The following MYH8 variants were observed in gnomAD, a reference collection of about 807,000 sequenced individuals.
MYH8 encodes the protein myosin-8.
In MYH8, 168 loss-of-function variants were observed where a neutral mutation model predicts 233.2. The observed-to-expected ratio is 0.72, with a 90% confidence interval of 0.64 to 0.82. The LOEUF (loss-of-function observed/expected upper bound fraction) is 0.82, where lower values mean the gene tolerates loss of function less well. Among genes scored for constraint, MYH8 ranks in the 40% least tolerant of loss-of-function variants. MYH8 has a pLI of 0.00. For missense variants in MYH8, 1,995 were observed against 2,327.8 expected (o/e 0.86, Z 2.94); for synonymous variants, 785 against 850.6 (o/e 0.92, Z 1.34).
At position 10,414,246 on chromosome 17, in the gene MYH8, CT is replaced by C. The variant is rs1567689162; in HGVS notation, c.953del (p.Gln318ArgfsTer15). 2 of 1,614,146 alleles carry C rather than the reference CT, an allele frequency of 1.2e-6. No homozygotes were observed. The highest frequency in any genetic ancestry group is 2.2e-5 in the South Asian group (2 of 91,076). The stretch of plus-strand genomic sequence containing the variant: ...CAATACTGGGAACTGTGATCTCCCC[CT>C]GACTGACGAAGGCATAGTCATATGG... ...TNPYDYAFVS[Q>X]GEITVPSIDD... On this transcript the variant is annotated frameshift_variant, in exon 11 of 40. Transcript: ENST00000403437. LOFTEE classifies it high-confidence loss of function.
At chr17:10,402,716 C>T (rs747368179) in intron 22 of MYH8, among the ~76,000 whole-genome samples, 1 of 152,094 alleles carries the variant, frequency 6.6e-6, no homozygotes, top group East Asian at 1.9e-4. Context: ...AGGACATGAA[C>T]ATTCTCCTAT....
intron 21 of MYH8, 149 bp downstream of exon 21, chr17:10,405,892 C>A: frequency 2.1e-6 from 2 of 942,778 alleles, no homozygotes; most frequent in South Asian, 2.9e-5. Context: ...AGTGTGAGAG[C>A]TGAAGCAAAG....
chr17:10,418,499 T>C, intron 5 of MYH8, 146 bp downstream of exon 5: 1 of 1,428,316 alleles, frequency 7.0e-7, no homozygotes, highest in Non-Finnish European at 9.7e-7. Context: ...GCATAAGATG[T>C]CACAGCTGTG....
At chr17:10,394,032 G>T (rs1355076833) in intron 35 of MYH8, among the ~76,000 whole-genome samples, 1 of 59,998 alleles carries the variant, frequency 1.7e-5, no homozygotes, top group East Asian at 4.2e-4. Context: ...GTGAGGGGTA[G>T]AAACCCCAAG....
At position 10,399,600 on chromosome 17, in the gene MYH8, G is replaced by C; in HGVS notation, c.3805C>G (p.Gln1269Glu). Reference protein sequence around the residue: ...VSELKTKEEEQQRLINDLTAQ... With the variant: ...VSELKTKEEEEQRLINDLTAQ... ...GTGAGGTCATTGATCAGCCGCTGCT[G>C]CTCCTCTTCCTTGGTCTTAAGCTCA... Residue 1269 changes from glutamine (Q) to glutamate (E), a missense_variant, in exon 28 of 40, where the codon CAG becomes GAG. Physicochemically the swap from Gln to Glu is conservative, Grantham distance 29. This residue lies in a region of MYH8 where 1,498 missense variants were observed against 1,680.9 expected (regional missense o/e 0.89). Coordinates refer to ENST00000403437, the MANE Select transcript of MYH8 (RefSeq NM_002472.3). 1.2e-6 allele frequency: 2 copies of C among 1,614,110 alleles called. No homozygotes were observed. The highest frequency in any genetic ancestry group is 1.7e-6 in the Non-Finnish European group (2 of 1,180,030).
At chr17:10,413,844 A>G in intron 12 of MYH8, 58 bp downstream of exon 12, 1 of 1,611,140 alleles carries the variant, frequency 6.2e-7, no homozygotes, top group Non-Finnish European at 8.5e-7. Context: ...AGTGTAAAAT[A>G]GGATTTTTTT....
At position 10,412,517 on chromosome 17, in the gene MYH8, C is replaced by T; in HGVS notation, c.1269G>A (p.Val423=). The change falls in exon 14 of 40, where the codon GTG becomes GTA. Residue 423 remains valine, a splice_region_variant and synonymous_variant. Coordinates refer to ENST00000403437, the MANE Select transcript of MYH8 (RefSeq NM_002472.3). ...YVTKGQTVQQ[V]YNAVGALAKA... The stretch of plus-strand genomic sequence containing the variant: ...TGGCCAGAGCACCCACCGCATTGTA[C>T]ACCTTCACAGATAGAGTAATGTTTG... 1 of 1,614,224 alleles carries T rather than the reference C, an allele frequency of 6.2e-7. No individual in the cohort carries two copies. Among genetic ancestry groups the T allele is most frequent in the Non-Finnish European group, 8.5e-7 (1 of 1,180,050 alleles).
Position 10,398,596 on chromosome 17 carries a change from G to A in MYH8, c.4026C>T (p.Asp1342=). 6.2e-7 allele frequency: 1 copy of A among 1,614,202 alleles called. No homozygotes were observed. The highest frequency in any genetic ancestry group is 8.5e-7 in the Non-Finnish European group (1 of 1,180,018). ...LAHALQSSRH[D]CDLLREQYEE... ...CATACTGTTCCCGCAGCAGGTCGCA[G>A]TCATGGCGGGAGGACTGCAGGGCGT... is the stretch of plus-strand genomic sequence containing the variant. Residue 1342 remains aspartate (D), a synonymous_variant, in exon 30 of 40, where the codon GAC becomes GAT. Coordinates refer to ENST00000403437, the MANE Select transcript of MYH8 (RefSeq NM_002472.3).
Position 10,410,831 on chromosome 17 carries a change from C to T in MYH8, c.1533G>A (p.Trp511Ter), listed in dbSNP as rs1425743287. 2 of 1,613,946 alleles carry T rather than the reference C, an allele frequency of 1.2e-6. No homozygotes were observed. The highest frequency in any genetic ancestry group is 1.7e-6 in the Non-Finnish European group (2 of 1,179,922). The change falls in exon 15 of 40, where the codon TGG becomes TGA. Residue 511 changes from tryptophan (W) to a stop codon, truncating the protein, a stop_gained. Transcript: ENST00000403437. LOFTEE classifies it high-confidence loss of function. The part of the protein sequence containing the change: ...QEEYKKEGIE[W>*]TFIDFGMDLA... ...GGTCCATCCCAAAGTCAATGAACGT[C>T]CACTCGATGCCTTCCTTCTTGTACT...
chr17:10,393,151 A>T lies in MYH8; in HGVS notation c.5226T>A (p.Ser1742Arg). 1.2e-6 allele frequency: 2 copies of T among 1,613,722 alleles called. No homozygotes were observed. The highest frequency in any genetic ancestry group is 1.7e-6 in the Non-Finnish European group (2 of 1,179,926). ...KLENDVSQLQ[S>R]EVEEVIQESR... ...ATTCTTGGATTACTTCTTCCACTTCACTTTGGAGTTGGGAAACGTCATTTT... is the reference window on the plus strand; with the variant it reads ...ATTCTTGGATTACTTCTTCCACTTCTCTTTGGAGTTGGGAAACGTCATTTT... The change falls in exon 36 of 40, where the codon AGT becomes AGA. Residue 1742 changes from serine to arginine, a missense_variant. Ser to Arg is a moderately radical substitution (Grantham distance 110). Transcript: ENST00000403437.
At position 10,396,899 on chromosome 17, in the gene MYH8, C is replaced by T; in HGVS notation, c.4266G>A (p.Gln1422=). 3 of 1,614,228 alleles carry T rather than the reference C, an allele frequency of 1.9e-6. No individual in the cohort carries two copies. The highest frequency in any genetic ancestry group is 2.5e-6 in the Non-Finnish European group (3 of 1,180,050). The change falls in exon 31 of 40, where the codon CAG becomes CAA. Residue 1422 remains glutamine, a synonymous_variant. Coordinates refer to ENST00000403437, the MANE Select transcript of MYH8 (RefSeq NM_002472.3). The surrounding 1 kb of genome is among the most constrained non-coding windows in gnomAD (Gnocchi z 4.2). ...GGTCTTCAACTTCATTCTGGAGCCG[C>T]TGCTTCGTCTTCTCAAGGGAAGCAC... ...AKCASLEKTK[Q]RLQNEVEDLM... is the part of the protein sequence containing the mutation.
At chr17:10,405,942 G>A in intron 21 of MYH8, 99 bp downstream of exon 21, 1 of 1,441,400 alleles carries the variant, frequency 6.9e-7, no homozygotes, top group Non-Finnish European at 9.7e-7. Context: ...TTGGGTGAGA[G>A]GAACTATTAG....
At position 10,393,193 on chromosome 17, in the gene MYH8, G is replaced by C; in HGVS notation, c.5184C>G (p.Asn1728Lys). 1 of 1,614,160 alleles carries C rather than the reference G, an allele frequency of 6.2e-7. No homozygotes were observed. The highest frequency in any genetic ancestry group is 8.5e-7 in the Non-Finnish European group (1 of 1,180,024). The change falls in exon 36 of 40, where the codon AAC becomes AAG. Residue 1728 changes from asparagine (N) to lysine (K), a missense_variant. Transcript: ENST00000403437. Reference protein sequence around the residue: ...LLHTQNTSLINTKKKLENDVS... With the variant: ...LLHTQNTSLIKTKKKLENDVS... ...CGTCATTTTCTAATTTCTTCTTGGTGTTAATGAGACTGGTATTCTGTTAAA... is the reference window on the plus strand; with the variant it reads ...CGTCATTTTCTAATTTCTTCTTGGTCTTAATGAGACTGGTATTCTGTTAAA...
intron 14 of MYH8, among the ~76,000 whole-genome samples, chr17:10,411,390 A>AAAAAT (rs2072243562): frequency 6.6e-6 from 1 of 152,092 alleles, no homozygotes; most frequent in Non-Finnish European, 1.5e-5. Context: ...AAAAAAAAAA[A>AAAAAT]AAATCATTAT....
chr17:10,404,719 C>A, intron 21 of MYH8, 134 bp from the exon 22 acceptor site: 3 of 1,036,576 alleles, frequency 2.9e-6, no homozygotes, highest in Non-Finnish European at 4.2e-6. Flanking sequence ...ATATTATATG[C>A]AGGCTTTACA....
At chr17:10,407,995 C>T (rs1319289355) in intron 17 of MYH8, among the ~76,000 whole-genome samples, 1 of 146,376 alleles carries the variant, frequency 6.8e-6, no homozygotes, top group Non-Finnish European at 1.5e-5. Context: ...GGCTGGAGTA[C>T]AGTGGTGCAA....
At position 10,394,274 on chromosome 17, in the gene MYH8, T is replaced by C. The variant is rs144477258; in HGVS notation, c.5141A>G (p.Glu1714Gly). 2 of 1,613,890 alleles carry C rather than the reference T, an allele frequency of 1.2e-6. No homozygotes were observed. The highest frequency in any genetic ancestry group is 1.7e-6 in the Non-Finnish European group (2 of 1,179,946). The change falls in exon 35 of 40, where the codon GAG (glutamate) becomes GGG (glycine). Residue 1714 changes from glutamate (E) to glycine (G), a missense_variant. Around this residue, in one of 3 missense-constraint regions of MYH8, gnomAD observed 1,498 missense variants for 1,680.9 expected, o/e 0.89. Transcript: ENST00000403437. ...CTGGGTGTGGAGGAGCTGGACACGCTCACTGGCATCCAGGAGCTCCTGTTC... is the reference window on the plus strand; with the variant it reads ...CTGGGTGTGGAGGAGCTGGACACGCCCACTGGCATCCAGGAGCTCCTGTTC... ...IAEQELLDAS[E>G]RVQLLHTQNT... is the part of the protein sequence containing the mutation.
rs34433607 is a variant in MYH8 at position 10,393,122 on chromosome 17, C to T, written c.5255G>A (p.Arg1752His). 42 of 1,614,072 alleles carry T rather than the reference C, an allele frequency of 2.6e-5. No homozygotes were observed. The African/African-American group carries it at 3.5e-4, about 13-fold the overall frequency. ...CTTCTTGGCTTTCTCTTCTGCATTG[C>T]GTGATTCTTGGATTACTTCTTCCAC... ...SEVEEVIQES[R>H]NAEEKAKKAI... The change falls in exon 36 of 40, where the codon CGC becomes CAC. Residue 1752 changes from arginine to histidine, a missense_variant. Coordinates refer to ENST00000403437, the MANE Select transcript of MYH8 (RefSeq NM_002472.3).
intron 12 of MYH8, 77 bp downstream of exon 12, chr17:10,413,825 G>A (rs1294051379): frequency 6.2e-7 from 1 of 1,607,228 alleles, no homozygotes; most frequent in African/African-American, 1.3e-5. Context: ...CAGCCACAAA[G>A]GAGATGTGAG....
Sources: allele counts gnomAD v4.1 joint callset (sites outside exome capture counted in the v4.1 genomes callset), GRCh38; gene constraint gnomAD v4.1.1; regional missense constraint gnomAD v4.1.1; non-coding constraint Gnocchi (gnomAD v3.1); transcripts MANE v1.5; gene names NCBI Gene and HGNC (gene_info 2026-07-23, HGNC 2026-07-21).